Variants in SRRM4 observed in about 807,000 individuals in gnomAD.
SRRM4 encodes serine/arginine repetitive matrix 4.
SRRM4 carries 33 observed loss-of-function variants against 68.9 expected under a neutral mutation model. That is an observed-to-expected ratio of 0.48 (90% CI 0.36 to 0.64). SRRM4 has a LOEUF of 0.64. Ranked by LOEUF, SRRM4 falls within the 30% of genes least tolerant of loss-of-function variation. SRRM4 has a pLI of 0.00. For missense variants in SRRM4, 817 were observed against 827.1 expected (o/e 0.99, Z 0.15); for synonymous variants, 318 against 318.8 (o/e 1.00, Z 0.03).
At chr12:119,051,165 C>T (rs1400957823) in intron 1 of SRRM4, among the ~76,000 whole-genome samples, 1 of 152,192 alleles carries the variant, frequency 6.6e-6, no homozygotes, top group East Asian at 1.9e-4. Context: ...GAGGACAGAC[C>T]CCCAGTAGTG....
At position 119,059,927 on chromosome 12, in the gene SRRM4, G is replaced by T. The variant is rs539217761; in HGVS notation, c.132-42309G>T. Among the ~76,000 whole-genome samples the T allele has an allele frequency of 3.2e-4, 48 of 152,312 alleles. No individual in the cohort carries two copies. The South Asian group carries it at 9.7e-3, about 31-fold the overall frequency. On this transcript the variant is annotated intron_variant, in intron 1 of 12. Transcript: ENST00000267260. ...CAGAGTCCCTTCATGTTGGAGGTCA[G>T]TAGAAGATTTGTGTTGACTGGTTCA... is the stretch of plus-strand genomic sequence containing the variant.
chr12:119,004,576 A>T (rs1446513962), intron 1 of SRRM4, among the ~76,000 whole-genome samples: 5 of 151,964 alleles, frequency 3.3e-5, no homozygotes, highest in African/African-American at 1.2e-4. Context: ...ATGGATTGAG[A>T]GAACTAGCCT....
intron 8 of SRRM4, among the ~76,000 whole-genome samples, chr12:119,142,121 G>A (rs1954369047): frequency 6.6e-6 from 1 of 152,212 alleles, no homozygotes; most frequent in South Asian, 2.1e-4. Flanking sequence ...GCCAGGGTGG[G>A]ATGGTGTGGA....
At chr12:119,021,703 T>C (rs1323631297) in intron 1 of SRRM4, among the ~76,000 whole-genome samples, 1 of 152,164 alleles carries the variant, frequency 6.6e-6, no homozygotes, top group African/African-American at 2.4e-5. Flanking sequence ...AAGAGAAGAA[T>C]GCTTGCTGAG....
intron 1 of SRRM4, chr12:118,994,204 C>T (rs887113763): frequency 6.6e-6 from 1 of 152,172 alleles, no homozygotes; most frequent in Non-Finnish European, 1.5e-5. Flanking sequence ...TGATTGCTTT[C>T]CACTCACCAC....
chr12:119,006,722 G>A (rs912606171), intron 1 of SRRM4, among the ~76,000 whole-genome samples: 1 of 152,254 alleles, frequency 6.6e-6, no homozygotes, highest in Non-Finnish European at 1.5e-5. Context: ...GCAAGACTCA[G>A]TTTCCTCTGC....
At chr12:119,018,352 G>A (rs900384046) in intron 1 of SRRM4, among the ~76,000 whole-genome samples, 3 of 152,180 alleles carry the variant, frequency 2.0e-5, no homozygotes, top group Non-Finnish European at 4.4e-5. Context: ...GCAAATTTGA[G>A]GGGAATTAGT....
At chr12:119,120,324 G>T in intron 5 of SRRM4, 48 bp downstream of exon 5, 1 of 1,547,644 alleles carries the variant, frequency 6.5e-7, no homozygotes, top group Admixed American at 2.0e-5. Flanking sequence ...TGCTTTCTCA[G>T]CCAGCTTGGG....
chr12:119,137,587 GGAGAGA>G (rs55883419), intron 8 of SRRM4, among the ~76,000 whole-genome samples: 4,990 of 119,086 alleles, frequency 0.042, 304 homozygotes, highest in African/African-American at 0.12. Context: ...GGTTTGGAGT[GGAGAGA>G]GAGAGAGAGA....
In SRRM4 at chr12:118,981,851, G is replaced by A. The variant is rs375818717; in HGVS notation, c.-32G>A. On this transcript the variant is annotated 5_prime_UTR_variant, in exon 1 of 13. Coordinates refer to ENST00000267260, the MANE Select transcript of SRRM4 (RefSeq NM_194286.4). Reference sequence around the variant, plus strand: ...TCCACGTTTCAGCACTTTGGACAGCGCCCCGGACGCCCCGGCCCCTTTGGG... The same window carrying A: ...TCCACGTTTCAGCACTTTGGACAGCACCCCGGACGCCCCGGCCCCTTTGGG... 615 of 1,604,762 alleles carry A rather than the reference G, an allele frequency of 3.8e-4. No individual in the cohort carries two copies. Among genetic ancestry groups the A allele is most frequent in the Non-Finnish European group, 4.8e-4 (563 of 1,175,426 alleles).
intron 2 of SRRM4, among the ~76,000 whole-genome samples, chr12:119,108,267 G>A (rs1451853968): frequency 2.6e-5 from 4 of 152,170 alleles, no homozygotes; most frequent in African/African-American, 9.7e-5. Flanking sequence ...AGTGCGATGT[G>A]GTGCTGAGAA....
chr12:119,123,652 A>G (rs942017060), intron 6 of SRRM4, among the ~76,000 whole-genome samples: 1 of 152,202 alleles, frequency 6.6e-6, no homozygotes, highest in Non-Finnish European at 1.5e-5. Flanking sequence ...GAGAAAAAAG[A>G]CAAGAAGAAT....
chr12:119,147,100 A>G (rs546798522), intron 9 of SRRM4, among the ~76,000 whole-genome samples: 2 of 152,362 alleles, frequency 1.3e-5, no homozygotes, highest in South Asian at 4.1e-4. Flanking sequence ...AAATTATGAT[A>G]CGTCCAGACA....
chr12:119,039,703 A>G (rs1953653092), intron 1 of SRRM4, among the ~76,000 whole-genome samples: 1 of 152,236 alleles, frequency 6.6e-6, no homozygotes, highest in Non-Finnish European at 1.5e-5. Context: ...CAAAAAACAC[A>G]AAGTATTATC....
chr12:119,048,952 A>G (rs972589646), intron 1 of SRRM4, among the ~76,000 whole-genome samples: 2 of 152,312 alleles, frequency 1.3e-5, no homozygotes, highest in African/African-American at 4.8e-5. Flanking sequence ...AATTGCATCA[A>G]GAAGTTGTGA....
intron 1 of SRRM4, among the ~76,000 whole-genome samples, chr12:119,019,061 C>T (rs1953498421): frequency 6.6e-6 from 1 of 152,166 alleles, no homozygotes; most frequent in African/African-American, 2.4e-5. Flanking sequence ...GGTATGGTCC[C>T]CAACCCTTCA....
At position 119,153,661 on chromosome 12, in the gene SRRM4, G is replaced by C; in HGVS notation, c.1391+12G>C. The C allele has an allele frequency of 6.5e-6, 10 of 1,540,444 alleles. No individual in the cohort carries two copies. Among genetic ancestry groups the C allele is most frequent in the Non-Finnish European group, 7.9e-6 (9 of 1,143,156 alleles). On this transcript the variant is annotated intron_variant, in intron 11 of 12. Transcript: ENST00000267260. ...TACAGCCCCAGCAGGTACCGGCCCC[G>C]CCCCTCAAACTAGGCCCGTCCTAGG...
chr12:119,040,987 T>G (rs1277773322), intron 1 of SRRM4, among the ~76,000 whole-genome samples: 1 of 152,036 alleles, frequency 6.6e-6, no homozygotes, highest in Non-Finnish European at 1.5e-5. Flanking sequence ...GAACTCCAAG[T>G]GATCCACTCG....
In SRRM4 at chr12:119,034,624, G is replaced by A. The variant is rs552593158; in HGVS notation, c.131+52611G>A. Among the ~76,000 whole-genome samples, 3 of 152,188 alleles carry A rather than the reference G, an allele frequency of 2.0e-5. No individual in the cohort carries two copies. In the South Asian group the frequency reaches 6.2e-4, roughly 32 times the overall value. On this transcript the variant is annotated intron_variant, in intron 1 of 12. Coordinates refer to ENST00000267260, the MANE Select transcript of SRRM4 (RefSeq NM_194286.4). ...GTTTCTCCTTGTATTTTTATTTTTC[G>A]TAGTGTTTCCTTTATACCTTTTGAA...
Sources: allele counts gnomAD v4.1 joint callset (sites outside exome capture counted in the v4.1 genomes callset), GRCh38; gene constraint gnomAD v4.1.1; transcripts MANE v1.5; gene names NCBI Gene and HGNC (gene_info 2026-07-23, HGNC 2026-07-21).